Variants in EDDM13 observed in about 807,000 individuals in gnomAD.
EDDM13 encodes the protein epididymal protein 13.
A neutral mutation model predicts 17.8 loss-of-function variants in EDDM13; 24 were observed. The observed-to-expected ratio is 1.35, with a 90% CI of 0.98 to 1.90. The LOEUF (loss-of-function observed/expected upper bound fraction) is 1.90. EDDM13 is among the 40% of genes most tolerant of loss of function. EDDM13 has a pLI of 0.00. For synonymous variants in EDDM13, 31 were observed against 37.5 expected, an observed-to-expected ratio of 0.83 and a Z score of 0.63; for missense variants, 97 against 100.8, an observed-to-expected ratio of 0.96 and a Z score of 0.16.
intron 13 of EDDM13, 96 bp from the exon 14 acceptor site, chr19:56,304,697 A>T: frequency 2.8e-6 from 2 of 702,438 alleles, no homozygotes; most frequent in South Asian, 1.3e-4. Flanking sequence ...GAAAGAAGCG[A>T]GAGGGGGATG....
chr19:56,299,334 T>TG (rs1017303839), intron 12 of EDDM13, among the ~76,000 whole-genome samples: 3 of 151,988 alleles, frequency 2.0e-5, no homozygotes, highest in African/African-American at 7.2e-5. Flanking sequence ...GGTCTCCCTA[T>TG]GTTGCCCAGG....
At chr19:56,299,842 G>C (rs2040114499) in intron 12 of EDDM13, 1 of 152,206 alleles carries the variant, frequency 6.6e-6, no homozygotes, top group Non-Finnish European at 1.5e-5. Flanking sequence ...GCAGAGTCCA[G>C]CGACACAGAG....
chr19:56,289,469 G>A (rs771833745), intron 8 of EDDM13, among the ~76,000 whole-genome samples: 28 of 152,188 alleles, frequency 1.8e-4, no homozygotes, highest in Non-Finnish European at 3.5e-4. Context: ...TCTAGTTCGG[G>A]TAAGACGGAG....
At chr19:56,298,257 G>T (rs1229061574) in intron 12 of EDDM13, 1 of 152,074 alleles carries the variant, frequency 6.6e-6, no homozygotes, top group Non-Finnish European at 1.5e-5. Context: ...GATCATTGGA[G>T]AAACTTTATG....
At chr19:56,291,465 C>T (rs553532892) in intron 9 of EDDM13, among the ~76,000 whole-genome samples, 2 of 152,258 alleles carry the variant, frequency 1.3e-5, no homozygotes, top group South Asian at 4.2e-4. Context: ...CTTTATTTCT[C>T]TTTTTTGGGA....
chr19:56,287,723 A>G (rs543171320), intron 6 of EDDM13, among the ~76,000 whole-genome samples: 1 of 152,354 alleles, frequency 6.6e-6, no homozygotes, highest in South Asian at 2.1e-4. Flanking sequence ...CATCTGAGTC[A>G]TTAAACAGGT....
At chr19:56,275,759 T>A (rs906694549) in intron 1 of EDDM13, among the ~76,000 whole-genome samples, 6 of 152,106 alleles carry the variant, frequency 3.9e-5, no homozygotes, top group African/African-American at 1.4e-4. Flanking sequence ...TACCAGAACT[T>A]CTCTTCCCAA....
chr19:56,300,823 T>C (rs2040176539), intron 12 of EDDM13, among the ~76,000 whole-genome samples: 1 of 152,152 alleles, frequency 6.6e-6, no homozygotes, highest in South Asian at 2.1e-4. Context: ...TGAGATTTTC[T>C]GAATGTAATA....
intron 13 of EDDM13, among the ~76,000 whole-genome samples, chr19:56,303,196 C>T (rs2040460625): frequency 6.6e-6 from 1 of 152,082 alleles, no homozygotes. Context: ...AACTACAAGC[C>T]AGGCCGGGCA....
rs1006993536 is a variant in EDDM13 at position 56,288,368 on chromosome 19, C to G, written c.155-17C>G. Among the ~76,000 whole-genome samples, 2 of 152,176 alleles carry G rather than the reference C, an allele frequency of 1.3e-5. No homozygotes were observed. The highest frequency in any genetic ancestry group is 2.9e-5 in the Non-Finnish European group (2 of 68,036). ...TTCCAAATTTCTTCACCCAGCTAAC[C>G]CCTGCTCATCTTCCAGGTCTCAGAC... On this transcript the variant is annotated splice_polypyrimidine_tract_variant and intron_variant, in intron 6 of 14. Coordinates refer to ENST00000649256, the MANE Select transcript of EDDM13 (RefSeq NM_001354658.2).
chr19:56,299,493 T>A (rs187808270), intron 12 of EDDM13, among the ~76,000 whole-genome samples: 1 of 151,720 alleles, frequency 6.6e-6, no homozygotes, highest in Admixed American at 6.6e-5. Flanking sequence ...AACAGCTTAA[T>A]ATAATAAGGA....
At position 56,295,956 on chromosome 19, in the gene EDDM13, C is replaced by G. The variant is rs2039845179; in HGVS notation, c.233-3C>G. Reference sequence around the variant, plus strand: ...CCATCTCCTTCTGGATGGACATCATCAGAGATCCTAGGTGACACCTCACTC... The same window carrying G: ...CCATCTCCTTCTGGATGGACATCATGAGAGATCCTAGGTGACACCTCACTC... On this transcript the variant is annotated splice_polypyrimidine_tract_variant and splice_region_variant and intron_variant, in intron 9 of 14. Coordinates refer to ENST00000649256, the MANE Select transcript of EDDM13 (RefSeq NM_001354658.2). 2 of 152,770 alleles carry G rather than the reference C, an allele frequency of 1.3e-5. No individual in the cohort carries two copies. Among genetic ancestry groups the G allele is most frequent in the African/African-American group, 4.8e-5 (2 of 41,448 alleles). 9.5% of individuals were successfully genotyped at this position (152,770 alleles called of 1,614,324 possible).
chr19:56,273,793 T>C (rs1031376707), intron 1 of EDDM13, among the ~76,000 whole-genome samples: 2 of 152,182 alleles, frequency 1.3e-5, no homozygotes, highest in Admixed American at 6.5e-5. Context: ...AGGAAAAATG[T>C]TGGATGTTAT....
At chr19:56,302,520 C>T (rs56067548) in intron 13 of EDDM13, among the ~76,000 whole-genome samples, 24 of 29,168 alleles carry the variant, frequency 8.2e-4, no homozygotes, top group Admixed American at 1.4e-3. Flanking sequence ...TTTCCTTCCT[C>T]CCTCCCTCCC....
At chr19:56,302,339 C>T (rs1467831970) in intron 13 of EDDM13, among the ~76,000 whole-genome samples, 1 of 143,576 alleles carries the variant, frequency 7.0e-6, no homozygotes, top group Admixed American at 7.0e-5. Context: ...TCCTCCTTCC[C>T]TTTCCTCTTC....
intron 11 of EDDM13, among the ~76,000 whole-genome samples, chr19:56,297,069 C>CAA (rs35746489): frequency 1.6e-4 from 23 of 145,408 alleles, no homozygotes; most frequent in South Asian, 2.2e-4. Context: ...AACTCTGTCT[C>CAA]AAAAAAAAAA....
At chr19:56,302,315 TC>T (rs202194976) in intron 13 of EDDM13, among the ~76,000 whole-genome samples, 27 of 139,616 alleles carry the variant, frequency 1.9e-4, no homozygotes, top group African/African-American at 7.0e-4. Context: ...CTTTTCTCCC[TC>T]CCTCCCTCCC....
intron 8 of EDDM13, among the ~76,000 whole-genome samples, chr19:56,289,200 A>C (rs538877512): frequency 1.5e-3 from 230 of 152,324 alleles, no homozygotes; most frequent in African/African-American, 3.5e-3. Context: ...AGGGTCTGAG[A>C]GCTGCATTGG....
chr19:56,304,901 C>A, intron 14 of EDDM13, 71 bp downstream of exon 14: 1 of 585,014 alleles, frequency 1.7e-6, no homozygotes, highest in Non-Finnish European at 2.2e-6. Context: ...TCCCAACTGC[C>A]TGGCATTTGA....
Sources: allele counts gnomAD v4.1 joint callset (sites outside exome capture counted in the v4.1 genomes callset), GRCh38; gene constraint gnomAD v4.1.1; transcripts MANE v1.5; gene names NCBI Gene and HGNC (gene_info 2026-07-23, HGNC 2026-07-21).